The following SMG1 variants were observed in gnomAD, a reference collection of about 807,000 sequenced individuals.
SMG1 encodes serine/threonine-protein kinase SMG1.
In SMG1, 22 loss-of-function variants were observed where a neutral mutation model predicts 419.9. The ratio of observed to expected loss-of-function variants is 0.05; its 90% CI spans 0.04 to 0.07. SMG1 has a LOEUF of 0.07. SMG1 is among the 10% of genes least tolerant of loss of function. SMG1 has a pLI of 1.00. For missense variants in SMG1, 3,185 were observed against 4,342.0 expected, an observed-to-expected ratio of 0.73 and a Z score of 7.49; for synonymous variants, 1,538 against 1,553.5, an observed-to-expected ratio of 0.99 and a Z score of 0.23.
chr16:18,815,878 A>G, intron 58 of SMG1: 3 of 525,696 alleles, frequency 5.7e-6, no homozygotes, highest in Non-Finnish European at 3.3e-6. Context: ...ATGAAGTAAT[A>G]GCCTTTTCTG....
intron 38 of SMG1, 135 bp downstream of exon 38, chr16:18,847,318 G>T: frequency 2.3e-6 from 2 of 888,434 alleles, no homozygotes; most frequent in Non-Finnish European, 3.5e-6. Context: ...CGTGGTGATG[G>T]TTGTACAATA....
intron 1 of SMG1, among the ~76,000 whole-genome samples, chr16:18,924,021 C>T (rs1465510408): frequency 4.6e-5 from 7 of 152,172 alleles, no homozygotes; most frequent in Non-Finnish European, 7.4e-5. Context: ...AAAATCAAAT[C>T]TTTCCAACAT....
chr16:18,809,308 G>C lies in SMG1; in HGVS notation c.*261C>G. On this transcript the variant is annotated 3_prime_UTR_variant, in exon 63 of 63. Transcript: ENST00000446231. ...GTCTGCTGCTGTTCTGTGGCAGAAAGACAATCTCCGTGTTCAGGCGGTGAG... is the reference window on the plus strand; with the variant it reads ...GTCTGCTGCTGTTCTGTGGCAGAAACACAATCTCCGTGTTCAGGCGGTGAG... 1 of 465,722 alleles carries C rather than the reference G, an allele frequency of 2.1e-6. No individual in the cohort carries two copies. The highest frequency in any genetic ancestry group is 4.1e-6 in the Non-Finnish European group (1 of 246,308). The allele number at this position is 465,722 out of a possible 1,614,324, so 28.8% of individuals were successfully genotyped here.
intron 1 of SMG1, 71 bp downstream of exon 1, chr16:18,925,879 C>T (rs1488017263): frequency 6.6e-6 from 8 of 1,207,922 alleles, no homozygotes; most frequent in Non-Finnish European, 8.9e-6. Flanking sequence ...CCCAGCCCCG[C>T]GGCCCTAGGC....
At chr16:18,888,257 C>T (rs979358035) in intron 6 of SMG1, among the ~76,000 whole-genome samples, 2 of 148,946 alleles carry the variant, frequency 1.3e-5, no homozygotes, top group African/African-American at 2.5e-5. Flanking sequence ...TTCATTTACA[C>T]ATAATTATCT....
intron 1 of SMG1, among the ~76,000 whole-genome samples, chr16:18,914,840 G>A (rs1323695618): frequency 6.6e-6 from 1 of 151,940 alleles, no homozygotes; most frequent in Non-Finnish European, 1.5e-5. Context: ...AATGTAGACA[G>A]ATACAATAGA....
At position 18,850,143 on chromosome 16, in the gene SMG1, A is replaced by G; in HGVS notation, c.5284-17T>C. On this transcript the variant is annotated splice_polypyrimidine_tract_variant and intron_variant, in intron 34 of 62. Coordinates refer to ENST00000446231, the MANE Select transcript of SMG1 (RefSeq NM_015092.5). ...TAAAGGAATCTAAGAGTGAAAGATG[A>G]GGGGAATAAATAAGAAAATAACTCA... The G allele has an allele frequency of 5.0e-6, 8 of 1,605,276 alleles. No homozygotes were observed. Among genetic ancestry groups the G allele is most frequent in the Non-Finnish European group, 6.8e-6 (8 of 1,175,680 alleles).
At chr16:18,856,179 T>C (rs1455869697) in intron 29 of SMG1, among the ~76,000 whole-genome samples, 2 of 152,172 alleles carry the variant, frequency 1.3e-5, no homozygotes, top group Admixed American at 6.5e-5. Flanking sequence ...TTCTTATTTT[T>C]TGAGACCGGG....
intron 55 of SMG1, among the ~76,000 whole-genome samples, chr16:18,827,155 G>A (rs111558655): frequency 4.6e-5 from 7 of 152,168 alleles, no homozygotes; most frequent in South Asian, 2.1e-4. Context: ...GGCCGGGTGC[G>A]GTGGCTCAAG....
In SMG1 at chr16:18,879,497, G is replaced by T. The variant is rs1447676698; in HGVS notation, c.1516C>A (p.Leu506Met). 1 of 797,080 alleles carries T rather than the reference G, an allele frequency of 1.3e-6. No individual in the cohort carries two copies. Among genetic ancestry groups the T allele is most frequent in the South Asian group, 1.5e-5 (1 of 67,746 alleles). The allele number at this position is 797,080 out of a possible 1,614,324, so 49.4% of individuals were successfully genotyped here. ...AAGGAAAAGAATAATTCACATACCA[G>T]CGTGAGTAAATTCAAGACTGAGATG... is the stretch of plus-strand genomic sequence containing the variant. ...YIISVLNLLTLIVEQINTKLP... is the reference protein window; with the variant it reads ...YIISVLNLLTMIVEQINTKLP... The change falls in exon 11 of 63, where the codon CTG becomes ATG. Residue 506 changes from leucine (L) to methionine (M), a missense_variant and splice_region_variant. Coordinates refer to ENST00000446231, the MANE Select transcript of SMG1 (RefSeq NM_015092.5).
At position 18,917,125 on chromosome 16, in the gene SMG1, A is replaced by G. The variant is rs1403151500; in HGVS notation, c.92+8825T>C. 5.3e-5 allele frequency among the ~76,000 whole-genome samples: 8 copies of G among 152,116 alleles called. No individual in the cohort carries two copies. The East Asian group carries it at 1.4e-3, about 26-fold the overall frequency. ...TGGAAATTCTCACATATTGAGCTGA[A>G]CACTTTTACCTTAATTAATTAATTT... On this transcript the variant is annotated intron_variant, in intron 1 of 62. Transcript: ENST00000446231.
intron 55 of SMG1, among the ~76,000 whole-genome samples, chr16:18,827,379 T>C (rs908239306): frequency 6.6e-6 from 1 of 150,830 alleles, no homozygotes; most frequent in Non-Finnish European, 1.5e-5. Flanking sequence ...TGAGGTGAGA[T>C]AGTGCCACTG....
chr16:18,867,892 T>C (rs1233150141), intron 22 of SMG1, among the ~76,000 whole-genome samples: 1 of 151,820 alleles, frequency 6.6e-6, no homozygotes, highest in Non-Finnish European at 1.5e-5. Flanking sequence ...GTATTTTTAG[T>C]AGAGGCGGGG....
At chr16:18,863,053 T>A (rs756576320) in intron 25 of SMG1, among the ~76,000 whole-genome samples, 1 of 152,240 alleles carries the variant, frequency 6.6e-6, no homozygotes, top group Non-Finnish European at 1.5e-5. Context: ...AGGTTGGAAT[T>A]TGTGTCTGTT....
chr16:18,889,408 A>C lies in SMG1; in HGVS notation c.786T>G (p.Thr262=). The part of the protein sequence containing the change: ...YLCATYKALE[T]VGEKKAFSSV... The stretch of plus-strand genomic sequence containing the variant: ...ATGAAAAGGCTTTCTTTTCTCCTAC[A>C]GTCTCTAGTGCTTTGTAGGTGGCAC... Residue 262 remains threonine (T), a synonymous_variant, in exon 6 of 63, where the codon ACT becomes ACG. Coordinates refer to ENST00000446231, the MANE Select transcript of SMG1 (RefSeq NM_015092.5). 5.0e-6 allele frequency: 3 copies of C among 594,458 alleles called. No homozygotes were observed. The allele number at this position is 594,458 out of a possible 1,614,324, so 36.8% of individuals were successfully genotyped here.
Position 18,805,050 on chromosome 16 carries a change from TACA to T in SMG1, c.*4516_*4518del, listed in dbSNP as rs2030698320. The T allele has an allele frequency of 6.5e-6, 1 of 152,676 alleles. No individual in the cohort carries two copies. The highest frequency in any genetic ancestry group is 1.5e-5 in the Non-Finnish European group (1 of 68,038). 9.5% of individuals were successfully genotyped at this position (152,676 alleles called of 1,614,324 possible). Reference sequence around the variant, plus strand: ...CAAAATTATATCCATCAGGAGGCATTACAACCTTTTGTACAGAAAAGCCACTAT... The same window carrying T: ...CAAAATTATATCCATCAGGAGGCATTACCTTTTGTACAGAAAAGCCACTAT... On this transcript the variant is annotated 3_prime_UTR_variant, in exon 63 of 63. Transcript: ENST00000446231.
At chr16:18,913,986 G>A (rs1480635298) in intron 1 of SMG1, among the ~76,000 whole-genome samples, 1 of 152,032 alleles carries the variant, frequency 6.6e-6, no homozygotes, top group Non-Finnish European at 1.5e-5. Context: ...GGCTAACACA[G>A]TGAAACCCTG....
intron 36 of SMG1, 92 bp downstream of exon 36, chr16:18,849,125 C>CTCTG (rs2034450147): frequency 2.6e-6 from 1 of 388,542 alleles, no homozygotes; most frequent in Non-Finnish European, 4.0e-6. Context: ...ACTCTAACAA[C>CTCTG]TCTGGAACAT....
At chr16:18,878,608 A>C (rs200360201) in intron 11 of SMG1, 13,875 of 124,556 alleles carry the variant, frequency 0.11, 663 homozygotes, top group Middle Eastern at 0.2. Flanking sequence ...TCCTGTGACA[A>C]AAAAAAAAAA....
Sources: allele counts gnomAD v4.1 joint callset (sites outside exome capture counted in the v4.1 genomes callset), GRCh38; gene constraint gnomAD v4.1.1; transcripts MANE v1.5; gene names NCBI Gene and HGNC (gene_info 2026-07-23, HGNC 2026-07-21).